DAB1: variants seen among roughly 807,000 people sequenced by gnomAD.
DAB1 encodes disabled homolog 1.
DAB1 carries 15 observed loss-of-function variants against 64.6 expected under a neutral mutation model. The ratio of observed to expected loss-of-function variants is 0.23; its 90% CI spans 0.16 to 0.36. The LOEUF is 0.36. Ranked by LOEUF, DAB1 falls within the 10% of genes least tolerant of loss-of-function variation. DAB1 has a pLI of 1.00. For missense variants in DAB1, 596 were observed against 706.7 expected (o/e 0.84, Z 1.78); for synonymous variants, 235 against 251.9 (o/e 0.93, Z 0.64).
At chr1:57,398,071 G>C (rs757334954) in intron 1 of DAB1, among the ~76,000 whole-genome samples, 3 of 152,118 alleles carry the variant, frequency 2.0e-5, no homozygotes, top group African/African-American at 7.2e-5. Flanking sequence ...ACTTCCATTT[G>C]ACTGCCCAAG....
At chr1:58,428,630 T>C (rs538360874) in intron 3 of DAB1, among the ~76,000 whole-genome samples, 126 of 152,256 alleles carry the variant, frequency 8.3e-4, no homozygotes, top group Non-Finnish European at 1.1e-3. Flanking sequence ...TTATGTTTAA[T>C]AAAAAAATCC....
chr1:58,295,634 G>C (rs1661951611), intron 4 of DAB1, among the ~76,000 whole-genome samples: 1 of 152,146 alleles, frequency 6.6e-6, no homozygotes, highest in African/African-American at 2.4e-5. Context: ...AAGAAGAGTA[G>C]ATGAGAGATT....
intron 1 of DAB1, among the ~76,000 whole-genome samples, chr1:57,303,480 T>C (rs2100706529): frequency 6.6e-6 from 1 of 152,202 alleles, no homozygotes; most frequent in Admixed American, 6.5e-5. Flanking sequence ...GTTGGATATA[T>C]AAGAGGATAT....
chr1:58,150,879 TC>T (rs2100732425), intron 4 of DAB1, among the ~76,000 whole-genome samples: 1 of 152,238 alleles, frequency 6.6e-6, no homozygotes, highest in East Asian at 1.9e-4. Context: ...TGTGTGATGT[TC>T]CCCTTCCTGT....
At chr1:57,205,248 A>G (rs923167441) in intron 2 of DAB1, among the ~76,000 whole-genome samples, 6 of 152,240 alleles carry the variant, frequency 3.9e-5, no homozygotes, top group African/African-American at 1.4e-4. Flanking sequence ...ATCTCGGGAC[A>G]TATGGTTTCC....
intron 5 of DAB1, among the ~76,000 whole-genome samples, chr1:58,086,044 A>T (rs1650286093): frequency 7.0e-6 from 1 of 142,154 alleles, no homozygotes; most frequent in Non-Finnish European, 1.5e-5. Flanking sequence ...GCTCACTGCA[A>T]GCTCCGCCTC....
intron 5 of DAB1, among the ~76,000 whole-genome samples, chr1:57,935,453 A>G (rs1215928988): frequency 2.0e-5 from 3 of 152,222 alleles, no homozygotes; most frequent in African/African-American, 4.8e-5. Context: ...AATGGTGTCT[A>G]TCTTCATTTC....
chr1:58,180,880 A>G (rs1199429478), intron 4 of DAB1, among the ~76,000 whole-genome samples: 1 of 152,130 alleles, frequency 6.6e-6, no homozygotes, highest in Non-Finnish European at 1.5e-5. Context: ...GAACTGTTTT[A>G]TGCTCTATCA....
intron 4 of DAB1, among the ~76,000 whole-genome samples, chr1:57,107,010 G>A (rs1655222563): frequency 6.6e-6 from 1 of 152,154 alleles, no homozygotes; most frequent in Non-Finnish European, 1.5e-5. Flanking sequence ...GCATCATTGT[G>A]TTGATATCTC....
At position 57,521,323 on chromosome 1, in the gene DAB1, C is replaced by T. The variant is rs147595424; in HGVS notation, n.625+128269G>A. On this transcript the variant is annotated intron_variant and non_coding_transcript_variant, in intron 7 of 20. Coordinates refer to the DAB1 transcript ENST00000485760. ...GACAGATGTGCCTGTGGCCATGCTGCTATGAGGGATGCACAAAGGAGCAAT... is the reference window on the plus strand; with the variant it reads ...GACAGATGTGCCTGTGGCCATGCTGTTATGAGGGATGCACAAAGGAGCAAT... Among the ~76,000 whole-genome samples the T allele has an allele frequency of 3.5e-3, 534 of 152,228 alleles. 1 individual carries two copies. The highest frequency in any genetic ancestry group is 0.012 in the African/African-American group (487 of 41,536).
At chr1:58,464,328 T>C (rs1393792874) in intron 3 of DAB1, among the ~76,000 whole-genome samples, 2 of 152,172 alleles carry the variant, frequency 1.3e-5, no homozygotes, top group African/African-American at 4.8e-5. Context: ...ATGTCAAGGA[T>C]TTCCACTGTT....
intron 1 of DAB1, among the ~76,000 whole-genome samples, chr1:57,331,800 T>A (rs1394108156): frequency 1.3e-5 from 2 of 152,198 alleles, no homozygotes; most frequent in East Asian, 1.9e-4. Context: ...GGCACTGAGA[T>A]GAGAAAACTG....
At chr1:57,763,791 C>T (rs937160390) in intron 6 of DAB1, among the ~76,000 whole-genome samples, 6 of 152,134 alleles carry the variant, frequency 3.9e-5, no homozygotes, top group African/African-American at 7.2e-5. Flanking sequence ...GTACAGTAAG[C>T]GGAATTAAAG....
intron 3 of DAB1, among the ~76,000 whole-genome samples, chr1:58,386,655 G>A (rs1007835303): frequency 9.2e-5 from 14 of 152,226 alleles, no homozygotes; most frequent in South Asian, 2.1e-4. Context: ...CTCAGTTTCC[G>A]CTTTTGTAAA....
At chr1:57,908,140 C>T (rs1215696911) in intron 5 of DAB1, among the ~76,000 whole-genome samples, 2 of 152,036 alleles carry the variant, frequency 1.3e-5, no homozygotes, top group Non-Finnish European at 2.9e-5. Context: ...TTTTCTCCTT[C>T]TTTTAACAGA....
At chr1:58,340,667 T>C (rs1643919952) in intron 4 of DAB1, among the ~76,000 whole-genome samples, 1 of 152,218 alleles carries the variant, frequency 6.6e-6, no homozygotes, top group African/African-American at 2.4e-5. Flanking sequence ...GTGCTGTGGC[T>C]GGGCCTACCC....
chr1:58,117,451 C>G (rs1368118347), intron 5 of DAB1, among the ~76,000 whole-genome samples: 2 of 152,176 alleles, frequency 1.3e-5, no homozygotes, highest in Non-Finnish European at 2.9e-5. Flanking sequence ...GACTCCATGC[C>G]TGAAGCTCCT....
intron 2 of DAB1, among the ~76,000 whole-genome samples, chr1:57,212,357 TC>T (rs1429065873): frequency 7.0e-6 from 1 of 143,852 alleles, no homozygotes; most frequent in Non-Finnish European, 1.5e-5. Context: ...ATATATTATT[TC>T]CTTTTTTTTT....
chr1:57,517,243 C>T (rs1644473694), intron 7 of DAB1, among the ~76,000 whole-genome samples: 1 of 152,118 alleles, frequency 6.6e-6, no homozygotes, highest in Non-Finnish European at 1.5e-5. Context: ...CTCATTGCAG[C>T]TTCAGACTCC....
Sources: allele counts gnomAD v4.1 joint callset (sites outside exome capture counted in the v4.1 genomes callset), GRCh38; gene constraint gnomAD v4.1.1; transcripts MANE v1.5; gene names NCBI Gene and HGNC (gene_info 2026-07-23, HGNC 2026-07-21).